Variants in MAD2L2 observed in about 807,000 individuals in gnomAD.
MAD2L2 encodes mitotic spindle assembly checkpoint protein MAD2B.
MAD2L2 carries 17 observed loss-of-function variants against 30.5 expected under a neutral mutation model. The ratio of observed to expected loss-of-function variants is 0.56; its 90% CI spans 0.38 to 0.84. The LOEUF (loss-of-function observed/expected upper bound fraction) is 0.84. Ranked by LOEUF, MAD2L2 falls within the 40% of genes least tolerant of loss-of-function variation. MAD2L2 has a pLI of 0.00. For missense variants in MAD2L2, 213 were observed against 277.4 expected, an observed-to-expected ratio of 0.77 and a Z score of 1.65; for synonymous variants, 101 against 113.9, an observed-to-expected ratio of 0.89 and a Z score of 0.72.
chr1:11,679,875 G>A (rs556094196), intron 3 of MAD2L2, among the ~76,000 whole-genome samples: 12 of 151,912 alleles, frequency 7.9e-5, no homozygotes, highest in African/African-American at 2.2e-4. Flanking sequence ...TCTGGCAAGG[G>A]GAACTCTCTT....
chr1:11,691,373 C>T (rs1321279525), intron 1 of MAD2L2: 1 of 152,186 alleles, frequency 6.6e-6, no homozygotes, highest in Non-Finnish European at 1.5e-5. Flanking sequence ...CCCCTCCCGT[C>T]CCACGCGCCC....
chr1:11,686,061 A>G (rs1640950803), upstream of MAD2L2, among the ~76,000 whole-genome samples: 1 of 152,182 alleles, frequency 6.6e-6, no homozygotes, highest in African/African-American at 2.4e-5. Context: ...AGCCCCCAGA[A>G]CAAACCCTCT....
upstream of MAD2L2, among the ~76,000 whole-genome samples, chr1:11,685,863 G>A (rs567219776): frequency 1.3e-5 from 2 of 152,134 alleles, no homozygotes; most frequent in South Asian, 2.1e-4. Flanking sequence ...GAGGTGGGAG[G>A]ATCACTTGAG....
rs1640983040 is a variant in MAD2L2, at chr1:11,687,691, G to A, written c.-692+3722C>T. On this transcript the variant is annotated intron_variant, in intron 1 of 10. Coordinates refer to the MAD2L2 transcript ENST00000235310. The surrounding 1 kb of genome is among the most constrained non-coding windows in gnomAD (Gnocchi z 4.1). The stretch of plus-strand genomic sequence containing the variant: ...GCGCCTGACCTGGACTTGCCAATAC[G>A]GAACATTCCATATAAAAGTAATTGT... 6.6e-6 allele frequency among the ~76,000 whole-genome samples: 1 copy of A among 152,136 alleles called. No homozygotes were observed.
At chr1:11,680,772 C>A in intron 1 of MAD2L2, 159 bp from the exon 2 acceptor site, 1 of 1,352,738 alleles carries the variant, frequency 7.4e-7, no homozygotes, top group Non-Finnish European at 9.5e-7. Context: ...TCCACCCCCA[C>A]GCTGGCGTCC....
Position 11,690,028 on chromosome 1 carries a change from T to G in MAD2L2, c.-692+1385A>C, listed in dbSNP as rs772921560. On this transcript the variant is annotated intron_variant, in intron 1 of 10. Transcript: ENST00000235310. This position sits in a 1 kb window ranked among gnomAD's most constrained non-coding sequence, Gnocchi z 4.2. ...ACCTCCTTTTCTTTGCCAAAAGAAC[T>G]GCCCCAGCAAAGAGGCCTTTCCTAA... 6.6e-6 allele frequency among the ~76,000 whole-genome samples: 1 copy of G among 152,080 alleles called. No homozygotes were observed. Among genetic ancestry groups the G allele is most frequent in the Admixed American group, 6.5e-5 (1 of 15,268 alleles).
In MAD2L2 at chr1:11,687,259, A is replaced by T. The variant is rs915147962; in HGVS notation, c.-692+4154T>A. On this transcript the variant is annotated intron_variant, in intron 1 of 10. Transcript: ENST00000235310. This position sits in a 1 kb window ranked among gnomAD's most constrained non-coding sequence, Gnocchi z 4.1. ...TTTTATTTCATTTATTTCTTTTTTG[A>T]GACGGAGTCTCTCTCTGCCACCCAG... Among the ~76,000 whole-genome samples, 11 of 151,944 alleles carry T rather than the reference A, an allele frequency of 7.2e-5. No homozygotes were observed. Among genetic ancestry groups the T allele is most frequent in the African/African-American group, 2.4e-4 (10 of 41,346 alleles).
intron 3 of MAD2L2, among the ~76,000 whole-genome samples, chr1:11,679,192 T>A (rs1349388408): frequency 6.6e-6 from 1 of 151,890 alleles, no homozygotes; most frequent in Non-Finnish European, 1.5e-5. Context: ...AAATATAAAA[T>A]AAAAAATAAA....
At chr1:11,683,828 A>G (rs563951441), upstream of MAD2L2, among the ~76,000 whole-genome samples, 1 of 152,240 alleles carries the variant, frequency 6.6e-6, no homozygotes, top group East Asian at 1.9e-4. Flanking sequence ...AAAATTAGCC[A>G]GGTGTGGTGG....
rs1260410848 is a variant in MAD2L2, at chr1:11,675,072, C to A, written c.594+10G>T. 1.9e-6 allele frequency: 3 copies of A among 1,571,620 alleles called. No individual in the cohort carries two copies. The highest frequency in any genetic ancestry group is 1.8e-5 in the Admixed American group (1 of 54,446). On this transcript the variant is annotated intron_variant, in intron 8 of 8. Transcript: ENST00000376692. Reference sequence around the variant, plus strand: ...CTAAATAAAGCTTCCCGGGTCCCCACGAAGCTCACCTTTAAAATGTCCGAC... The same window carrying A: ...CTAAATAAAGCTTCCCGGGTCCCCAAGAAGCTCACCTTTAAAATGTCCGAC...
rs756617402 is a variant in MAD2L2, at chr1:11,676,761, G to A, written c.332+87C>T. On this transcript the variant is annotated intron_variant, in intron 5 of 8. Transcript: ENST00000376692. ...TTTCTCCTCCCAGGCCTTTACCAAG[G>A]TATTCAAGGGCCGCCTTAAAGGGGT... The A allele has an allele frequency of 4.0e-6, 4 of 1,011,442 alleles. No individual in the cohort carries two copies. The East Asian group carries it at 9.6e-5, about 24-fold the overall frequency. 62.7% of individuals were successfully genotyped at this position (1,011,442 alleles called of 1,614,324 possible).
rs1173571268 is a variant in MAD2L2, at chr1:11,690,250, G to A, written c.-692+1163C>T. ...TGTTTACTACTGTACCTCCGGTGCC[G>A]GCACATAGTAGGTGTTCAATAGGTA... is the stretch of plus-strand genomic sequence containing the variant. On this transcript the variant is annotated intron_variant, in intron 1 of 10. Transcript: ENST00000235310. This position sits in a 1 kb window ranked among gnomAD's most constrained non-coding sequence, Gnocchi z 4.2. 2.0e-5 allele frequency among the ~76,000 whole-genome samples: 3 copies of A among 152,046 alleles called. No homozygotes were observed. Among genetic ancestry groups the A allele is most frequent in the Non-Finnish European group, 4.4e-5 (3 of 68,012 alleles).
intron 3 of MAD2L2, 65 bp from the exon 4 acceptor site, chr1:11,677,679 C>T: frequency 7.1e-7 from 1 of 1,403,592 alleles, no homozygotes; most frequent in Admixed American, 1.8e-5. Context: ...CCAACACAAC[C>T]AGGAGCCTAA....
chr1:11,674,832 A>C lies in MAD2L2; in HGVS notation c.595-16T>G, dbSNP rs1201182430. 1 of 1,613,660 alleles carries C rather than the reference A, an allele frequency of 6.2e-7. No homozygotes were observed. The highest frequency in any genetic ancestry group is 8.5e-7 in the Non-Finnish European group (1 of 1,179,946). On this transcript the variant is annotated splice_polypyrimidine_tract_variant and intron_variant, in intron 8 of 8. Coordinates refer to ENST00000376692, the MANE Select transcript of MAD2L2 (RefSeq NM_006341.4). This position sits in a 1 kb window ranked among gnomAD's most constrained non-coding sequence, Gnocchi z 6.1. ...AAAGCTGCATCTGACGGACACAAGCAAACAGCCACAGTCAGCAAGACAGCC... is the reference window on the plus strand; with the variant it reads ...AAAGCTGCATCTGACGGACACAAGCCAACAGCCACAGTCAGCAAGACAGCC...
chr1:11,681,079 C>A lies in MAD2L2; in HGVS notation c.-53G>T, dbSNP rs1296823750. The stretch of plus-strand genomic sequence containing the variant: ...TTCCCGCCCGAGATCGGGCCCGGCC[C>A]CGCCGCGGGGAGCCACCGACCGGAC... On this transcript the variant is annotated 5_prime_UTR_variant, in exon 1 of 9. Transcript: ENST00000376692. 4 of 152,800 alleles carry A rather than the reference C, an allele frequency of 2.6e-5. No individual in the cohort carries two copies. The highest frequency in any genetic ancestry group is 5.8e-5 in the Non-Finnish European group (4 of 68,422). 9.5% of individuals were successfully genotyped at this position (152,800 alleles called of 1,614,324 possible). A position where few individuals can be genotyped will look rare whatever the true frequency, so the allele number is the denominator to read the frequency against.
At chr1:11,691,175 C>T (rs1641056397) in intron 1 of MAD2L2, among the ~76,000 whole-genome samples, 1 of 147,398 alleles carries the variant, frequency 6.8e-6, no homozygotes, top group Non-Finnish European at 1.5e-5. Context: ...CTGGGCATTT[C>T]TTCCGTCCCT....
chr1:11,679,580 G>A (rs900398455), intron 3 of MAD2L2, among the ~76,000 whole-genome samples: 4 of 148,846 alleles, frequency 2.7e-5, no homozygotes, highest in African/African-American at 7.8e-5. Flanking sequence ...AGGCTGGAGT[G>A]CAGTGGCACG....
In MAD2L2 at chr1:11,675,897, A is replaced by C. The variant is rs1044217666; in HGVS notation, c.427+149T>G. ...AATAGGGAGATGGAAGCCAGGTAGA[A>C]TCAATCAGGGAAGCTTCCCAGAGGA... On this transcript the variant is annotated intron_variant, in intron 6 of 8. Transcript: ENST00000376692. The C allele has an allele frequency of 2.6e-5, 23 of 882,430 alleles. No homozygotes were observed. In the East Asian group the frequency reaches 5.7e-4, roughly 22 times the overall value. 54.7% of individuals were successfully genotyped at this position (882,430 alleles called of 1,614,324 possible). A position where few individuals can be genotyped will look rare whatever the true frequency, so the allele number is the denominator to read the frequency against.
upstream of MAD2L2, among the ~76,000 whole-genome samples, chr1:11,685,360 G>A (rs1377612416): frequency 6.6e-6 from 1 of 152,206 alleles, no homozygotes; most frequent in African/African-American, 2.4e-5. Context: ...GTCTGGATGA[G>A]GAGCAAAACA....
Sources: allele counts gnomAD v4.1 joint callset (sites outside exome capture counted in the v4.1 genomes callset), GRCh38; gene constraint gnomAD v4.1.1; non-coding constraint Gnocchi (gnomAD v3.1); transcripts MANE v1.5; gene names NCBI Gene and HGNC (gene_info 2026-07-23, HGNC 2026-07-21).